COL4A4: variants seen among roughly 807,000 people sequenced by gnomAD.
COL4A4 encodes collagen type IV alpha 4 chain.
A neutral mutation model predicts 192.9 loss-of-function variants in COL4A4; 105 were observed. That is an observed-to-expected ratio of 0.54 (90% CI 0.46 to 0.64). The LOEUF (loss-of-function observed/expected upper bound fraction) is 0.64, where lower values mean the gene tolerates loss of function less well. Among genes scored for constraint, COL4A4 ranks in the 30% least tolerant of loss-of-function variants. COL4A4 has a pLI of 0.00. For synonymous variants in COL4A4, 762 were observed against 769.9 expected (o/e 0.99, Z 0.17); for missense variants, 1,967 against 2,169.3 (o/e 0.91, Z 1.85).
rs559549058 is a variant in COL4A4 at position 227,077,854 on chromosome 2, C to A, written c.1987+40G>T. The A allele has an allele frequency of 4.8e-4, 740 of 1,549,128 alleles. 2 individuals are homozygous for A. Among genetic ancestry groups the A allele is most frequent in the Non-Finnish European group, 5.9e-4 (668 of 1,134,258 alleles). On this transcript the variant is annotated intron_variant, in intron 25 of 47. Transcript: ENST00000396625. ...ACATAAGAAAAATAAACACTTGTACCCCAAAGCTATTGAAATAAATAAAAT... is the reference window on the plus strand; with the variant it reads ...ACATAAGAAAAATAAACACTTGTACACCAAAGCTATTGAAATAAATAAAAT...
Position 227,031,925 on chromosome 2 carries a change from T to C in COL4A4, c.3817+20A>G. The C allele has an allele frequency of 6.5e-7, 1 of 1,544,682 alleles. No homozygotes were observed. Among genetic ancestry groups the C allele is most frequent in the Non-Finnish European group, 8.9e-7 (1 of 1,117,464 alleles). On this transcript the variant is annotated intron_variant, in intron 40 of 47. Coordinates refer to ENST00000396625, the MANE Select transcript of COL4A4 (RefSeq NM_000092.5). ...CTAACAAAGGGAGCACTGCCATCCTTTGTCATGATTCTCTCATACCTCTTG... is the reference window on the plus strand; with the variant it reads ...CTAACAAAGGGAGCACTGCCATCCTCTGTCATGATTCTCTCATACCTCTTG...
intron 25 of COL4A4, among the ~76,000 whole-genome samples, chr2:227,070,900 A>G (rs978433086): frequency 2.0e-5 from 3 of 151,834 alleles, no homozygotes; most frequent in Admixed American, 1.3e-4. Context: ...TAAATAAATA[A>G]ATGCTAAAAG....
the COL4A4 span, among the ~76,000 whole-genome samples, chr2:226,994,077 G>A: frequency 7.9e-5 from 12 of 152,198 alleles, no homozygotes; most frequent in Non-Finnish European, 1.8e-4. Context: ...CTGCTTTTGA[G>A]AGCTGGACTG....
chr2:227,036,622 T>A (rs1296680879), intron 37 of COL4A4, among the ~76,000 whole-genome samples: 1 of 152,158 alleles, frequency 6.6e-6, no homozygotes, highest in Non-Finnish European at 1.5e-5. Flanking sequence ...AATATGTGAG[T>A]GCCCACTAAG....
At chr2:227,087,926 G>A (rs75577094) in intron 22 of COL4A4, among the ~76,000 whole-genome samples, 1 of 152,034 alleles carries the variant, frequency 6.6e-6, no homozygotes, top group Admixed American at 6.6e-5. Flanking sequence ...ACAATCGATG[G>A]TGATGGCGTT....
intron 25 of COL4A4, among the ~76,000 whole-genome samples, chr2:227,072,199 A>G (rs1341531482): frequency 2.0e-5 from 3 of 152,094 alleles, no homozygotes; most frequent in Non-Finnish European, 2.9e-5. Context: ...AATAAGCTCA[A>G]TTAGAACCGA....
chr2:227,148,225 AT>A (rs1394828239), intron 1 of COL4A4, among the ~76,000 whole-genome samples: 5 of 152,378 alleles, frequency 3.3e-5, no homozygotes, highest in African/African-American at 9.6e-5. Context: ...AAGCATATTC[AT>A]AACAGCCAGA....
intron 19 of COL4A4, 71 bp from the exon 20 acceptor site, chr2:227,094,360 T>C: frequency 2.0e-6 from 3 of 1,493,902 alleles, no homozygotes; most frequent in Admixed American, 1.9e-5. Context: ...GAAATCAAGA[T>C]TGGTACACAC....
chr2:227,149,204 T>C (rs2063754235), intron 1 of COL4A4, among the ~76,000 whole-genome samples: 1 of 152,186 alleles, frequency 6.6e-6, no homozygotes, highest in South Asian at 2.1e-4. Context: ...CAATGCTGTA[T>C]GTATGGAAGA....
Position 227,012,209 on chromosome 2 carries a change from T to A in COL4A4, c.4305A>T (p.Thr1435=), listed in dbSNP as rs771227366. Residue 1435 remains threonine (T), a synonymous_variant, in exon 45 of 48, where the codon ACA becomes ACT. Transcript: ENST00000396625. ...SPGPPGRKGD[T]GEDGYPGGPG... is the part of the protein sequence containing the mutation. ...GTCCTCCAGGGTAGCCGTCTTCTCC[T>A]GTGTCACCTTTACGTCCGGGAGGCC... The A allele has an allele frequency of 6.2e-7, 1 of 1,614,142 alleles. No homozygotes were observed. Among genetic ancestry groups the A allele is most frequent in the Admixed American group, 1.7e-5 (1 of 60,028 alleles).
intron 42 of COL4A4, among the ~76,000 whole-genome samples, chr2:227,027,364 A>G (rs902102211): frequency 1.3e-5 from 2 of 151,670 alleles, no homozygotes; most frequent in Admixed American, 1.3e-4. Context: ...ATTCTCAGCA[A>G]ACTATCACAA....
rs200641584 is a variant in COL4A4 at position 227,041,787 on chromosome 2, GGAAA to G, written c.3505+357_3505+360del. ...GGAAGGAAGGAAGGAAGGAAGGAAG[GGAAA>G]GAAAGAAAGAAAGGAAGAAAGAAAG... On this transcript the variant is annotated intron_variant, in intron 37 of 47. Coordinates refer to ENST00000396625, the MANE Select transcript of COL4A4 (RefSeq NM_000092.5). 3.4e-3 allele frequency among the ~76,000 whole-genome samples: 151 copies of G among 44,192 alleles called. 3 individuals are homozygous for G. The highest frequency in any genetic ancestry group is 0.011 in the African/African-American group (106 of 9,714). 29.0% of individuals were successfully genotyped at this position (44,192 alleles called of 152,430 possible).
chr2:227,036,737 C>A (rs1476596202), intron 37 of COL4A4, among the ~76,000 whole-genome samples: 1 of 151,976 alleles, frequency 6.6e-6, no homozygotes, highest in Non-Finnish European at 1.5e-5. Flanking sequence ...CTTGACAGAA[C>A]AAACAGGCAA....
intron 12 of COL4A4, 127 bp from the exon 13 acceptor site, chr2:227,104,179 G>T: frequency 1.3e-6 from 1 of 786,644 alleles, no homozygotes; most frequent in Non-Finnish European, 2.2e-6. Flanking sequence ...GTTGTGGCAA[G>T]TACATCATAG....
the COL4A4 span, among the ~76,000 whole-genome samples, chr2:226,986,195 G>T: frequency 6.6e-6 from 1 of 152,190 alleles, no homozygotes; most frequent in Non-Finnish European, 1.5e-5. Context: ...GGTCAAGAAA[G>T]GACTCAGAAA....
chr2:227,133,437 G>C (rs1191414217), intron 4 of COL4A4, among the ~76,000 whole-genome samples: 1 of 152,220 alleles, frequency 6.6e-6, no homozygotes, highest in Non-Finnish European at 1.5e-5. Flanking sequence ...ATATTTCTCA[G>C]TCTACTGAAA....
chr2:227,129,367 G>A (rs898156052), intron 4 of COL4A4, among the ~76,000 whole-genome samples: 1 of 151,124 alleles, frequency 6.6e-6, no homozygotes, highest in Admixed American at 6.6e-5. Context: ...CCTTGTGCAT[G>A]CTACTTTGCT....
intron 43 of COL4A4, among the ~76,000 whole-genome samples, chr2:227,024,089 A>G (rs959467670): frequency 6.6e-6 from 1 of 152,174 alleles, no homozygotes; most frequent in African/African-American, 2.4e-5. Flanking sequence ...CAGCTTACAC[A>G]CAGCAGAGTC....
chr2:227,011,885 AAAGTG>A (rs1963799346), intron 45 of COL4A4, among the ~76,000 whole-genome samples: 1 of 152,218 alleles, frequency 6.6e-6, no homozygotes, highest in Admixed American at 6.5e-5. Context: ...ATGACCTTGA[AAAGTG>A]AACTGCAGAA....
Sources: allele counts gnomAD v4.1 joint callset (sites outside exome capture counted in the v4.1 genomes callset), GRCh38; gene constraint gnomAD v4.1.1; transcripts MANE v1.5; gene names NCBI Gene and HGNC (gene_info 2026-07-23, HGNC 2026-07-21).